WDR90: variants seen among roughly 807,000 people sequenced by gnomAD.
WDR90 encodes the protein WD repeat domain 90.
A neutral mutation model predicts 195.2 loss-of-function variants in WDR90; 238 were observed. That is an observed-to-expected ratio of 1.22 (90% CI 1.10 to 1.36). The LOEUF (loss-of-function observed/expected upper bound fraction) is 1.36. Among genes scored for constraint, WDR90 ranks in the 40% most tolerant of loss-of-function variants. The pLI, the probability that WDR90 is intolerant of heterozygous loss-of-function variation, is 0.00. For synonymous variants in WDR90, 1,265 were observed against 1,052.4 expected, an observed-to-expected ratio of 1.20 and a Z score of -3.91; for missense variants, 2,734 against 2,439.5, an observed-to-expected ratio of 1.12 and a Z score of -2.54.
At position 662,688 on chromosome 16, in the gene WDR90, C is replaced by A; in HGVS notation, c.4155C>A (p.Phe1385Leu). 6.4e-7 allele frequency: 1 copy of A among 1,552,942 alleles called. No individual in the cohort carries two copies. The highest frequency in any genetic ancestry group is 8.7e-7 in the Non-Finnish European group (1 of 1,145,928). The change falls in exon 34 of 41, where the codon TTC becomes TTA. Residue 1385 changes from phenylalanine (F) to leucine (L), a missense_variant. Physicochemically the swap from Phe to Leu is conservative, Grantham distance 22. Coordinates refer to ENST00000293879, the MANE Select transcript of WDR90 (RefSeq NM_145294.5). ...RCKGSGASSVFMEHELVLDGA... is the reference protein window; with the variant it reads ...RCKGSGASSVLMEHELVLDGA... ...GCACCCTGAGGTCCAGTTCTGTGTT[C>A]ATGGAACACGAGCTGGTGCTGGACG...
At chr16:657,709 A>G (rs2037790163) in intron 20 of WDR90, 53 bp from the exon 21 acceptor site, 1 of 1,482,982 alleles carries the variant, frequency 6.7e-7, no homozygotes, top group South Asian at 1.3e-5. Context: ...GGCCCTGGCC[A>G]CGCGCACCCC....
rs1188710023 is a variant in WDR90, at chr16:657,336, G to A, written c.2473+115G>A. On this transcript the variant is annotated intron_variant, in intron 20 of 40. Coordinates refer to ENST00000293879, the MANE Select transcript of WDR90 (RefSeq NM_145294.5). Reference sequence around the variant, plus strand: ...TTTCCTGGTGCACCGACTGGGTCCTGTGGGGGGGCGTGGCCGCCTCAGTAA... The same window carrying A: ...TTTCCTGGTGCACCGACTGGGTCCTATGGGGGGGCGTGGCCGCCTCAGTAA... The A allele has an allele frequency of 4.3e-6, 6 of 1,402,892 alleles. No homozygotes were observed. In the Admixed American group the frequency reaches 1.1e-4, roughly 26 times the overall value. The allele number at this position is 1,402,892 out of a possible 1,614,324, so 86.9% of individuals were successfully genotyped here. A position where few individuals can be genotyped will look rare whatever the true frequency, so the allele number is the denominator to read the frequency against.
At chr16:649,333 C>T (rs2037589110), upstream of WDR90, 2 of 1,306,408 alleles carry the variant, frequency 1.5e-6, no homozygotes, top group South Asian at 2.1e-5. Flanking sequence ...GGCACCGTTG[C>T]CAGGCAGCCG....
chr16:656,597 G>A, intron 18 of WDR90, 60 bp downstream of exon 18: 13 of 1,573,360 alleles, frequency 8.3e-6, no homozygotes, highest in Non-Finnish European at 1.1e-5. Context: ...GCTGGGGTTT[G>A]TCAGCGGGGG....
rs779315224 is a variant in WDR90, at chr16:651,847, A to C, written c.861A>C (p.Ala287=). ...SPTASGRAAL[A]PRPFPEVSLS... ...AGCAGTCCGGCCGGGCCGCCTTGGC[A>C]CCCAGGCCCTTCCCGGAGGTCAGCC... Residue 287 remains alanine (A), a synonymous_variant, in exon 9 of 41, where the codon GCA becomes GCC. Coordinates refer to ENST00000293879, the MANE Select transcript of WDR90 (RefSeq NM_145294.5). 6.2e-7 allele frequency: 1 copy of C among 1,610,374 alleles called. No homozygotes were observed. The highest frequency in any genetic ancestry group is 8.5e-7 in the Non-Finnish European group (1 of 1,179,808).
intron 21 of WDR90, 133 bp from the exon 22 acceptor site, chr16:658,050 A>G (rs1159628741): frequency 2.1e-6 from 3 of 1,455,730 alleles, no homozygotes; most frequent in African/African-American, 2.8e-5. Context: ...ACGTGCGGCC[A>G]GGTTCCTGTG....
chr16:657,720 G>A (rs368206211), intron 20 of WDR90, 42 bp from the exon 21 acceptor site: 62 of 1,498,434 alleles, frequency 4.1e-5, no homozygotes, highest in African/African-American at 3.7e-4. Context: ...CGCGCACCCC[G>A]GCACTCCCCA....
chr16:655,790 A>T lies in WDR90; in HGVS notation c.1867A>T (p.Ser623Cys). The change falls in exon 17 of 41, where the codon AGC (serine) becomes TGC (cysteine). Residue 623 changes from serine to cysteine, a missense_variant. Coordinates refer to ENST00000293879, the MANE Select transcript of WDR90 (RefSeq NM_145294.5). ...TFSSGPGIAI[S>C]SLSVSPAMCA... ...GCCCCCAGGCCCCGGCATTGCCATC[A>T]GCAGCCTCAGCGTCTCCCCGGCCAT... 1 of 1,589,328 alleles carries T rather than the reference A, an allele frequency of 6.3e-7. No individual in the cohort carries two copies. Among genetic ancestry groups the T allele is most frequent in the African/African-American group, 1.3e-5 (1 of 74,710 alleles).
Position 656,632 on chromosome 16 carries a change from A to G in WDR90, c.2202+95A>G, listed in dbSNP as rs1021723734. On this transcript the variant is annotated intron_variant, in intron 18 of 40. Coordinates refer to ENST00000293879, the MANE Select transcript of WDR90 (RefSeq NM_145294.5). ...GTGAGAGGGGCCTATAGGGACCTGG[A>G]CTTTCCAGCCTGTGTCGGCCCCATG... is the stretch of plus-strand genomic sequence containing the variant. The G allele has an allele frequency of 8.6e-5, 135 of 1,571,234 alleles. No homozygotes were observed. In the Middle Eastern group the frequency reaches 1.5e-3, roughly 18 times the overall value.
intron 27 of WDR90, among the ~76,000 whole-genome samples, chr16:660,364 C>T (rs973295372): frequency 2.0e-5 from 3 of 152,226 alleles, no homozygotes; most frequent in African/African-American, 7.2e-5. Context: ...CTGTGGTGGC[C>T]TCCTGCTGAC....
intron 34 of WDR90, 143 bp downstream of exon 34, chr16:662,987 G>T: frequency 1.5e-6 from 2 of 1,290,952 alleles, no homozygotes. Flanking sequence ...TCCCAGCGGG[G>T]AAGTCTTGGG....
chr16:667,526 C>T lies in WDR90; in HGVS notation c.5184C>T (p.Ser1728=), dbSNP rs373944645. 69 of 1,612,306 alleles carry T rather than the reference C, an allele frequency of 4.3e-5. No individual in the cohort carries two copies. Among genetic ancestry groups the T allele is most frequent in the Admixed American group, 3.2e-4 (19 of 60,014 alleles). The change falls in exon 41 of 41, where the codon TCC becomes TCT. Residue 1728 remains serine (S), a synonymous_variant. Transcript: ENST00000293879. ...TGCACCTGTGCAGGTTTACACCGTC[C>T]GCCAGGCTGCTCTTCACGGCCGCCC... The part of the protein sequence containing the change: ...NAVHLCRFTP[S]ARLLFTAARN...
chr16:657,613 C>T, intron 20 of WDR90, 149 bp from the exon 21 acceptor site: 2 of 1,232,024 alleles, frequency 1.6e-6, no homozygotes, highest in South Asian at 1.7e-5. Context: ...CCCACTGGCA[C>T]CTTGGCAATC....
chr16:657,037 C>G, intron 19 of WDR90, 54 bp from the exon 20 acceptor site: 1 of 1,585,290 alleles, frequency 6.3e-7, no homozygotes, highest in Non-Finnish European at 8.5e-7. Context: ...CGAGGGAACC[C>G]ATGGTACCTG....
At position 649,435 on chromosome 16, in the gene WDR90, C is replaced by T. The variant is rs1159632908; in HGVS notation, c.10+9C>T. 1.5e-6 allele frequency: 2 copies of T among 1,299,450 alleles called. No individual in the cohort carries two copies. Among genetic ancestry groups the T allele is most frequent in the East Asian group, 3.1e-5 (1 of 32,238 alleles). 80.5% of individuals were successfully genotyped at this position (1,299,450 alleles called of 1,614,324 possible). On this transcript the variant is annotated intron_variant, in intron 1 of 40. Transcript: ENST00000293879. ...CGGCGCCATGGCCCGAGGTAGCGCGCGGCTGGCGGGGGTCCCGAGGATCCC... is the reference window on the plus strand; with the variant it reads ...CGGCGCCATGGCCCGAGGTAGCGCGTGGCTGGCGGGGGTCCCGAGGATCCC...
chr16:662,010 G>A lies in WDR90; in HGVS notation c.3984G>A (p.Thr1328=), dbSNP rs750925855. Reference sequence around the variant, plus strand: ...CTGGCCAGGTCTGTGTCTGGGACACGCGTGCCGGCCGCTGCTTCTTGTCCT... The same window carrying A: ...CTGGCCAGGTCTGTGTCTGGGACACACGTGCCGGCCGCTGCTTCTTGTCCT... The part of the protein sequence containing the change: ...TSSGQVCVWD[T]RAGRCFLSWE... The change falls in exon 32 of 41, where the codon ACG becomes ACA. Residue 1328 remains threonine (T), a synonymous_variant. Coordinates refer to ENST00000293879, the MANE Select transcript of WDR90 (RefSeq NM_145294.5). 25 of 1,603,754 alleles carry A rather than the reference G, an allele frequency of 1.6e-5. No individual in the cohort carries two copies. The African/African-American group carries it at 1.6e-4, about 10-fold the overall frequency.
At chr16:661,230 G>T in intron 29 of WDR90, 58 bp downstream of exon 29, 1 of 1,518,496 alleles carries the variant, frequency 6.6e-7, no homozygotes, top group Non-Finnish European at 8.8e-7. Context: ...GCAGAACCCA[G>T]CTCCCGGACC....
At position 666,218 on chromosome 16, in the gene WDR90, A is replaced by G. The variant is rs766474347; in HGVS notation, c.4610-2A>G. 1.9e-6 allele frequency: 3 copies of G among 1,611,900 alleles called. No homozygotes were observed. The highest frequency in any genetic ancestry group is 2.2e-5 in the South Asian group (2 of 91,082). ...GCTCACAGGGTGACGGCATGGTCCCAGGTCAGACTGTCCTCTCTGGAGACA... is the reference window on the plus strand; with the variant it reads ...GCTCACAGGGTGACGGCATGGTCCCGGGTCAGACTGTCCTCTCTGGAGACA... On this transcript the variant is annotated splice_acceptor_variant, in intron 36 of 40. Coordinates refer to ENST00000293879, the MANE Select transcript of WDR90 (RefSeq NM_145294.5). LOFTEE classifies it high-confidence loss of function.
At chr16:650,927 T>G in intron 5 of WDR90, 68 bp from the exon 6 acceptor site, 2 of 1,572,892 alleles carry the variant, frequency 1.3e-6, no homozygotes, top group South Asian at 1.1e-5. Flanking sequence ...GGCAGTGCCT[T>G]GGCGGGTGCC....
Sources: allele counts gnomAD v4.1 joint callset (sites outside exome capture counted in the v4.1 genomes callset), GRCh38; gene constraint gnomAD v4.1.1; transcripts MANE v1.5; gene names NCBI Gene and HGNC (gene_info 2026-07-23, HGNC 2026-07-21).